The following UGT1A8 variants were observed in gnomAD, a reference collection of about 807,000 sequenced individuals.
UGT1A8 encodes UDP-glucuronosyltransferase 1A8.
Under a neutral mutation model 45.3 loss-of-function variants are expected in UGT1A8, and 39 were observed. That is an observed-to-expected ratio of 0.86 (90% CI 0.67 to 1.12). UGT1A8 has a LOEUF of 1.12. Ranked by LOEUF, UGT1A8 falls within the 50% of genes most tolerant of loss-of-function variation. The probability of loss-of-function intolerance (pLI) is 0.00; values close to 1 mark genes in which losing one functional copy is unlikely to be tolerated. For missense variants in UGT1A8, 719 were observed against 664.9 expected (o/e 1.08, Z -0.90); for synonymous variants, 275 against 249.2 (o/e 1.10, Z -0.97).
At chr2:233,695,391 TG>T (rs377616491) in intron 1 of UGT1A8, among the ~76,000 whole-genome samples, 3 of 151,868 alleles carry the variant, frequency 2.0e-5, no homozygotes, top group African/African-American at 7.2e-5. Flanking sequence ...CCCAAAGTGC[TG>T]GGATTACAGG....
In UGT1A8 at chr2:233,740,134, T is replaced by C. The variant is rs143794870; in HGVS notation, c.856-26900T>C. ...CTTATCTCTCACCTTCTGTCATGATTGTAAGTTTCCTGAGGCCTCCCCAGT... is the reference window on the plus strand; with the variant it reads ...CTTATCTCTCACCTTCTGTCATGATCGTAAGTTTCCTGAGGCCTCCCCAGT... On this transcript the variant is annotated intron_variant, in intron 1 of 4. Transcript: ENST00000373450. Among the ~76,000 whole-genome samples the C allele has an allele frequency of 9.1e-3, 1,384 of 152,004 alleles. 51 individuals carry two copies. The highest frequency in any genetic ancestry group is 0.032 in the African/African-American group (1,337 of 41,236).
At chr2:233,638,600 G>A (rs957826745) in intron 1 of UGT1A8, among the ~76,000 whole-genome samples, 2 of 152,252 alleles carry the variant, frequency 1.3e-5, no homozygotes. Flanking sequence ...ACCAGAATAA[G>A]ATTCTTGGCA....
chr2:233,697,083 C>G (rs1335387953), intron 1 of UGT1A8, among the ~76,000 whole-genome samples: 1 of 151,984 alleles, frequency 6.6e-6, no homozygotes, highest in Non-Finnish European at 1.5e-5. Context: ...CAGGGTAACA[C>G]TGGTCTCACA....
chr2:233,637,814 G>A (rs984425704), intron 1 of UGT1A8, among the ~76,000 whole-genome samples: 14 of 151,942 alleles, frequency 9.2e-5, no homozygotes, highest in African/African-American at 2.9e-4. Flanking sequence ...TCTAGTATTG[G>A]GCTGAACATA....
At chr2:233,634,668 C>CAGCAAATGATACTCGTGTGTTATCGTTCT (rs1559316927) in intron 1 of UGT1A8, among the ~76,000 whole-genome samples, 6 of 151,492 alleles carry the variant, frequency 4.0e-5, no homozygotes, top group Admixed American at 6.6e-5. Context: ...AAATATTCCT[C>CAGCAAATGATACTCGTGTGTTATCGTTCT]TATCCCTTTA....
chr2:233,757,382 C>T (rs1017517189), intron 1 of UGT1A8, among the ~76,000 whole-genome samples: 3 of 151,230 alleles, frequency 2.0e-5, no homozygotes, highest in African/African-American at 7.3e-5. Flanking sequence ...AGATTCAGCA[C>T]TTACTTGCTG....
At chr2:233,761,914 T>C (rs28900396) in intron 1 of UGT1A8, among the ~76,000 whole-genome samples, 9,111 of 152,302 alleles carry the variant, frequency 0.06, 854 homozygotes, top group African/African-American at 0.21. Flanking sequence ...GAGGATCTAC[T>C]GGCAGCCCAG....
chr2:233,649,596 A>G lies in UGT1A8; in HGVS notation c.855+31034A>G, dbSNP rs150642758. ...TTACTATGCGTTTTTACTTGCCAGT[A>G]AACCAGAGACATCTTCACAGATTTG... On this transcript the variant is annotated intron_variant, in intron 1 of 4. Coordinates refer to ENST00000373450, the MANE Select transcript of UGT1A8 (RefSeq NM_019076.5). Among the ~76,000 whole-genome samples the G allele has an allele frequency of 2.2e-3, 337 of 152,360 alleles. 2 individuals are homozygous for G. The highest frequency in any genetic ancestry group is 7.8e-3 in the African/African-American group (324 of 41,584).
chr2:233,672,707 T>C lies in UGT1A8; in HGVS notation c.855+54145T>C, dbSNP rs765305963. 132 of 1,613,858 alleles carry C rather than the reference T, an allele frequency of 8.2e-5. No homozygotes were observed. In the Middle Eastern group the frequency reaches 9.9e-4, roughly 12 times the overall value. ...ATTTGGTTGTTGCGAACGGACTTTG[T>C]TTTGGACTATCCCAAACCCGTGATG... On this transcript the variant is annotated intron_variant, in intron 1 of 4. Coordinates refer to ENST00000373450, the MANE Select transcript of UGT1A8 (RefSeq NM_019076.5).
Position 233,772,564 on chromosome 2 carries a change from TG to T in UGT1A8, c.*8del, listed in dbSNP as rs1250920366. 1 of 1,613,176 alleles carries T rather than the reference TG, an allele frequency of 6.2e-7. No individual in the cohort carries two copies. The highest frequency in any genetic ancestry group is 1.7e-5 in the Admixed American group (1 of 59,848). On this transcript the variant is annotated 3_prime_UTR_variant, in exon 5 of 5. Transcript: ENST00000373450. ...CACAAATCCAAGACCCATTGAGAAGTGGGTGGGAAATAAGGTAAAATTTTGA... is the reference window on the plus strand; with the variant it reads ...CACAAATCCAAGACCCATTGAGAAGTGGTGGGAAATAAGGTAAAATTTTGA...
chr2:233,663,669 T>C (rs1288143415), intron 1 of UGT1A8, among the ~76,000 whole-genome samples: 1 of 152,174 alleles, frequency 6.6e-6, no homozygotes, highest in Non-Finnish European at 1.5e-5. Flanking sequence ...GGAGGTCTGC[T>C]TTGAGAAAGG....
At chr2:233,671,910 G>C in intron 1 of UGT1A8, 1 of 1,582,912 alleles carries the variant, frequency 6.3e-7, no homozygotes, top group Non-Finnish European at 8.6e-7. Flanking sequence ...ATTCCCAGCT[G>C]CTTGCTCTCA....
chr2:233,718,712 A>G (rs2076677466), intron 1 of UGT1A8: 1 of 1,607,000 alleles, frequency 6.2e-7, no homozygotes, highest in South Asian at 1.1e-5. Context: ...TCTTCCAATT[A>G]CATGCTGATT....
intron 1 of UGT1A8, among the ~76,000 whole-genome samples, chr2:233,677,942 A>G (rs2074404186): frequency 6.6e-6 from 1 of 152,242 alleles, no homozygotes; most frequent in Non-Finnish European, 1.5e-5. Context: ...ACAGTGGCTT[A>G]GATGAAGAAA....
intron 1 of UGT1A8, among the ~76,000 whole-genome samples, chr2:233,686,027 A>G (rs2074769498): frequency 6.6e-6 from 1 of 152,198 alleles, no homozygotes; most frequent in African/African-American, 2.4e-5. Flanking sequence ...TCATGGTGCC[A>G]AGAGCATTGA....
chr2:233,637,860 A>G (rs1470984876), intron 1 of UGT1A8, among the ~76,000 whole-genome samples: 1 of 152,200 alleles, frequency 6.6e-6, no homozygotes, highest in Non-Finnish European at 1.5e-5. Context: ...TTGCCAATAA[A>G]TTATGGGTAC....
At chr2:233,697,906 T>A (rs1439764311) in intron 1 of UGT1A8, among the ~76,000 whole-genome samples, 1 of 152,240 alleles carries the variant, frequency 6.6e-6, no homozygotes, top group Non-Finnish European at 1.5e-5. Flanking sequence ...ATCTATTGAC[T>A]CCTTCTCCTA....
intron 1 of UGT1A8, chr2:233,742,915 T>C (rs558840772): frequency 5.4e-6 from 1 of 183,798 alleles, no homozygotes; most frequent in East Asian, 1.4e-4. Flanking sequence ...ATGCTCAAAG[T>C]GCTGAACTGA....
In UGT1A8 at chr2:233,682,172, A is replaced by G. The variant is rs1163934109; in HGVS notation, c.855+63610A>G. On this transcript the variant is annotated intron_variant, in intron 1 of 4. Transcript: ENST00000373450. ...GAATTGCACAGTGAAGACTTACTCA[A>G]CCTCATACACTCTGGAGGATCAGGA... The G allele has an allele frequency of 6.2e-6, 10 of 1,614,058 alleles. No individual in the cohort carries two copies. The highest frequency in any genetic ancestry group is 3.3e-5 in the Admixed American group (2 of 60,006).
Sources: gnomAD v4.1 joint callset for allele counts (sites outside exome capture counted in the v4.1 genomes callset) on GRCh38, gnomAD v4.1.1 for gene constraint, MANE v1.5 for transcripts, NCBI Gene and HGNC (gene_info 2026-07-23, HGNC 2026-07-21) for gene names.